The following WDR25 variants were observed in gnomAD, a reference collection of about 807,000 sequenced individuals.
The protein encoded by WDR25 is WD repeat-containing protein 25.
In WDR25, 35 loss-of-function variants were observed where a neutral mutation model predicts 47.7. The observed-to-expected ratio is 0.73, with a 90% CI of 0.56 to 0.97. WDR25 has a LOEUF of 0.97. Among genes scored for constraint, WDR25 ranks in the 50% least tolerant of loss-of-function variants. The pLI is 0.00. For synonymous variants in WDR25, 248 were observed against 278.9 expected, an observed-to-expected ratio of 0.89 and a Z score of 1.10; for missense variants, 634 against 704.7, an observed-to-expected ratio of 0.90 and a Z score of 1.14.
chr14:100,423,717 C>T (rs1442087929), intron 2 of WDR25, among the ~76,000 whole-genome samples: 1 of 152,174 alleles, frequency 6.6e-6, no homozygotes, highest in African/African-American at 2.4e-5. Context: ...TGCTGGAGAA[C>T]ATTATCTTCT....
chr14:100,460,277 TAA>T (rs1373530784), intron 2 of WDR25, among the ~76,000 whole-genome samples: 1 of 151,932 alleles, frequency 6.6e-6, no homozygotes, highest in Non-Finnish European at 1.5e-5. Flanking sequence ...CACGCCCTGC[TAA>T]TTTTTTGTAT....
At chr14:100,527,045 T>C (rs972092132) in intron 5 of WDR25, among the ~76,000 whole-genome samples, 2 of 27,234 alleles carry the variant, frequency 7.3e-5, no homozygotes, top group Non-Finnish European at 1.7e-4. Flanking sequence ...ATCACCACTC[T>C]ATCACCACCA....
chr14:100,426,050 T>G (rs1264261708), intron 2 of WDR25, among the ~76,000 whole-genome samples: 2 of 152,134 alleles, frequency 1.3e-5, no homozygotes, highest in Non-Finnish European at 2.9e-5. Context: ...TCACATGGGG[T>G]AGTTTAAAAA....
chr14:100,376,712 C>A, intron 1 of WDR25: 1 of 1,230,804 alleles, frequency 8.1e-7, no homozygotes, highest in Non-Finnish European at 1.0e-6. Context: ...CTGGTCGTAT[C>A]TTGTTTGTTG....
At position 100,381,737 on chromosome 14, in the gene WDR25, AACTTTCAAGGTAAG is replaced by A; in HGVS notation, c.818_822+9del. On this transcript the variant is annotated splice_donor_variant and splice_donor_5th_base_variant and coding_sequence_variant and intron_variant, in exon 2 of 7. Coordinates refer to ENST00000402312, the MANE Select transcript of WDR25 (RefSeq NM_001161476.3). LOFTEE classifies it high-confidence loss of function. The stretch of plus-strand genomic sequence containing the variant: ...TGCTTCTCTCCACTTCTATGGATAA[AACTTTCAAGGTAAG>A]ACTTGAATGAAAACTTCTGCTTTCA... 1 of 1,598,386 alleles carries A rather than the reference AACTTTCAAGGTAAG, an allele frequency of 6.3e-7. No individual in the cohort carries two copies. The highest frequency in any genetic ancestry group is 8.5e-7 in the Non-Finnish European group (1 of 1,173,086).
At chr14:100,464,734 CCATCTCATCTCATCTCATCTCATCT>C (rs11275025) in intron 2 of WDR25, among the ~76,000 whole-genome samples, 5,376 of 57,460 alleles carry the variant, frequency 0.094, 679 homozygotes, top group African/African-American at 0.27. Context: ...CTCCCCTACT[CCATCTCATCTCATCTCATCTCATCT>C]CATCTCATCT....
chr14:100,420,201 A>G (rs1381628835), intron 2 of WDR25, among the ~76,000 whole-genome samples: 2 of 152,208 alleles, frequency 1.3e-5, no homozygotes, highest in Non-Finnish European at 2.9e-5. Flanking sequence ...CCATCTGCAC[A>G]TGGGCCGCAG....
chr14:100,401,389 T>C (rs1003521361), intron 2 of WDR25, among the ~76,000 whole-genome samples: 1 of 152,218 alleles, frequency 6.6e-6, no homozygotes, highest in Non-Finnish European at 1.5e-5. Flanking sequence ...GTTCTGTCCA[T>C]TGAGGTCTGA....
At chr14:100,454,010 G>C (rs188380829) in intron 2 of WDR25, among the ~76,000 whole-genome samples, 16 of 152,266 alleles carry the variant, frequency 1.1e-4, no homozygotes, top group Admixed American at 9.8e-4. Flanking sequence ...GCATCATTTG[G>C]TGTAGAAACA....
intron 1 of WDR25, among the ~76,000 whole-genome samples, chr14:100,377,107 G>A (rs1469627539): frequency 1.3e-5 from 2 of 152,240 alleles, no homozygotes; most frequent in South Asian, 4.1e-4. Context: ...CACCCTGGTG[G>A]TGGGAATCTG....
At chr14:100,514,000 A>G (rs1339603952) in intron 4 of WDR25, among the ~76,000 whole-genome samples, 2 of 151,300 alleles carry the variant, frequency 1.3e-5, no homozygotes, top group African/African-American at 2.4e-5. Flanking sequence ...CAGTGGCGCA[A>G]TCTCGGCTCA....
intron 2 of WDR25, among the ~76,000 whole-genome samples, chr14:100,457,301 A>G (rs561960132): frequency 6.6e-6 from 1 of 152,332 alleles, no homozygotes; most frequent in South Asian, 2.1e-4. Context: ...CTTAAAAGTA[A>G]CCAGAAGGGG....
intron 2 of WDR25, among the ~76,000 whole-genome samples, chr14:100,411,543 T>G (rs541317750): frequency 1.3e-5 from 2 of 151,966 alleles, no homozygotes; most frequent in East Asian, 3.9e-4. Context: ...TTTGCTTTTT[T>G]TTTTTTTTCT....
intron 2 of WDR25, among the ~76,000 whole-genome samples, chr14:100,390,654 T>C (rs1013421349): frequency 1.3e-5 from 2 of 152,184 alleles, no homozygotes; most frequent in Admixed American, 1.3e-4. Context: ...AAGGTCTCTG[T>C]GTTTAGTGTG....
intron 2 of WDR25, among the ~76,000 whole-genome samples, chr14:100,458,735 A>G (rs911456662): frequency 4.6e-5 from 7 of 152,224 alleles, no homozygotes; most frequent in African/African-American, 1.7e-4. Flanking sequence ...ATTAAAAATC[A>G]GTAACAAAAG....
chr14:100,448,843 A>G (rs569407716), intron 2 of WDR25, among the ~76,000 whole-genome samples: 22 of 152,112 alleles, frequency 1.4e-4, no homozygotes, highest in African/African-American at 5.1e-4. Flanking sequence ...GGCTTATGGG[A>G]GTCAGGAGGG....
intron 4 of WDR25, among the ~76,000 whole-genome samples, chr14:100,519,703 G>GTATATATAGTGTATATATAC (rs796521036): frequency 7.2e-6 from 1 of 139,684 alleles, no homozygotes; most frequent in Non-Finnish European, 1.5e-5. Context: ...TCTATATATA[G>GTATATATAGTGTATATATAC]TATATATAGT....
At chr14:100,469,670 G>A (rs1899763671) in intron 3 of WDR25, among the ~76,000 whole-genome samples, 1 of 152,200 alleles carries the variant, frequency 6.6e-6, no homozygotes, top group Non-Finnish European at 1.5e-5. Context: ...CTTGATGATG[G>A]TGATGACTGG....
intron 2 of WDR25, among the ~76,000 whole-genome samples, chr14:100,412,058 T>A (rs1897723883): frequency 6.6e-6 from 1 of 151,964 alleles, no homozygotes. Flanking sequence ...ATAGAAAAAA[T>A]TTGCCTGGTG....
Sources: allele counts gnomAD v4.1 joint callset (sites outside exome capture counted in the v4.1 genomes callset), GRCh38; gene constraint gnomAD v4.1.1; transcripts MANE v1.5; gene names NCBI Gene and HGNC (gene_info 2026-07-23, HGNC 2026-07-21).